Variants in LAMB1 observed in about 807,000 individuals in gnomAD.
LAMB1 encodes the protein laminin subunit beta 1.
LAMB1 carries 121 observed loss-of-function variants against 222.3 expected under a neutral mutation model. That is an observed-to-expected ratio of 0.54 (90% confidence interval 0.47 to 0.63). The LOEUF (loss-of-function observed/expected upper bound fraction) is 0.63. Ranked by LOEUF, LAMB1 falls within the 30% of genes least tolerant of loss-of-function variation. The probability of loss-of-function intolerance (pLI) is 0.00; values close to 1 mark genes in which losing one functional copy is unlikely to be tolerated. For synonymous variants in LAMB1, 794 were observed against 807.2 expected, an observed-to-expected ratio of 0.98 and a Z score of 0.28; for missense variants, 2,172 against 2,240.8, an observed-to-expected ratio of 0.97 and a Z score of 0.62.
intron 5 of LAMB1, among the ~76,000 whole-genome samples, chr7:107,993,061 T>C (rs934704915): frequency 6.6e-6 from 1 of 152,118 alleles, no homozygotes; most frequent in Non-Finnish European, 1.5e-5. Context: ...CCCAACCCCA[T>C]AGATGTTGCT....
rs999991081 is a variant in LAMB1 at position 107,972,786 on chromosome 7, TATTAAA to T, written c.1562+200_1562+205del. Among the ~76,000 whole-genome samples the T allele has an allele frequency of 7.1e-4, 108 of 152,328 alleles. 1 individual carries two copies. Among genetic ancestry groups the T allele is most frequent in the African/African-American group, 2.6e-3 (108 of 41,572 alleles). On this transcript the variant is annotated intron_variant, in intron 13 of 33. Coordinates refer to ENST00000222399, the MANE Select transcript of LAMB1 (RefSeq NM_002291.3). ...ATGTCTGGAACAACCTAACATTCTC[TATTAAA>T]ATTAAAAATACATATGTACTTTGAC...
chr7:107,944,817 G>A (rs1226847001), intron 24 of LAMB1, among the ~76,000 whole-genome samples: 5 of 152,198 alleles, frequency 3.3e-5, no homozygotes, highest in African/African-American at 1.2e-4. Flanking sequence ...ACTAATGTAT[G>A]GAGGAGATTC....
intron 7 of LAMB1, among the ~76,000 whole-genome samples, chr7:107,983,576 A>AGAGTCTT (rs1491251355): frequency 6.9e-5 from 9 of 130,444 alleles, no homozygotes; most frequent in Non-Finnish European, 1.1e-4. Flanking sequence ...TTTTTGAGAC[A>AGAGTCTT]GAGTCTTGCT....
rs1242687529 is a variant in LAMB1 at position 107,998,367 on chromosome 7, T to C, written c.339A>G (p.Gln113=). The C allele has an allele frequency of 6.2e-7, 1 of 1,614,014 alleles. No homozygotes were observed. Among genetic ancestry groups the C allele is most frequent in the East Asian group, 2.2e-5 (1 of 44,866 alleles). Residue 113 remains glutamine (Q), a synonymous_variant, in exon 4 of 34, where the codon CAA becomes CAG. Transcript: ENST00000222399. ...FAPNRLKIWW[Q]SENGVENVTI... Reference sequence around the variant, plus strand: ...ACACCAACCACATACCATTTTCAGATTGCCACCAAATCTTAAGGCGGTTTG... The same window carrying C: ...ACACCAACCACATACCATTTTCAGACTGCCACCAAATCTTAAGGCGGTTTG...
At chr7:108,000,564 G>C (rs2034363044) in intron 3 of LAMB1, among the ~76,000 whole-genome samples, 2 of 152,200 alleles carry the variant, frequency 1.3e-5, no homozygotes, top group African/African-American at 4.8e-5. Context: ...AATTTTTTGA[G>C]ACAGGGTCTC....
intron 21 of LAMB1, among the ~76,000 whole-genome samples, chr7:107,954,496 T>C (rs1331831862): frequency 2.0e-5 from 3 of 151,560 alleles, no homozygotes; most frequent in Admixed American, 2.0e-4. Flanking sequence ...GAAAGTGGGC[T>C]GGGCGCAGTG....
intron 33 of LAMB1, 36 bp downstream of exon 33, chr7:107,924,189 TTAAAG>T (rs755077731): frequency 9.6e-6 from 15 of 1,567,538 alleles, no homozygotes; most frequent in Admixed American, 6.4e-5. Flanking sequence ...TATGGATGCC[TTAAAG>T]TAATTTAAAA....
rs530706206 is a variant in LAMB1, at chr7:107,965,081, G to C, written c.1563-394C>G. The stretch of plus-strand genomic sequence containing the variant: ...TGTCCCAGAGCATCCCAAACCAACG[G>C]ATCTAAGACAGAAGCCCTCAATCCC... On this transcript the variant is annotated intron_variant, in intron 13 of 33. Transcript: ENST00000222399. 7.2e-5 allele frequency among the ~76,000 whole-genome samples: 11 copies of C among 152,250 alleles called. No individual in the cohort carries two copies. In the South Asian group the frequency reaches 2.1e-3, roughly 29 times the overall value.
At chr7:107,962,725 A>G (rs2033535667) in intron 15 of LAMB1, among the ~76,000 whole-genome samples, 180 bp downstream of exon 15, 2 of 149,148 alleles carry the variant, frequency 1.3e-5, no homozygotes, top group Admixed American at 6.7e-5. Context: ...AAAAAAAAAA[A>G]GAAAGAAAGA....
In LAMB1 at chr7:107,986,005, T is replaced by C; in HGVS notation, c.676+17A>G. On this transcript the variant is annotated intron_variant, in intron 7 of 33. Coordinates refer to ENST00000222399, the MANE Select transcript of LAMB1 (RefSeq NM_002291.3). Reference sequence around the variant, plus strand: ...AACAAACTAACAAAAAACACTTTTGTTTGAAAATGAACTTACTCTGTATCC... The same window carrying C: ...AACAAACTAACAAAAAACACTTTTGCTTGAAAATGAACTTACTCTGTATCC... 4 of 1,579,734 alleles carry C rather than the reference T, an allele frequency of 2.5e-6. No homozygotes were observed. The highest frequency in any genetic ancestry group is 3.5e-6 in the Non-Finnish European group (4 of 1,151,144).
At position 107,952,354 on chromosome 7, in the gene LAMB1, T is replaced by C; in HGVS notation, c.3080-131A>G. Reference sequence around the variant, plus strand: ...CTTGAAATGCAAAGAAGGAAAGAAATGGAGGTGATTCAAAAATAAAGCTAA... The same window carrying C: ...CTTGAAATGCAAAGAAGGAAAGAAACGGAGGTGATTCAAAAATAAAGCTAA... On this transcript the variant is annotated intron_variant, in intron 22 of 33. Coordinates refer to ENST00000222399, the MANE Select transcript of LAMB1 (RefSeq NM_002291.3). 4 of 664,336 alleles carry C rather than the reference T, an allele frequency of 6.0e-6. No homozygotes were observed. The South Asian group carries it at 6.2e-5, about 10-fold the overall frequency. The allele number at this position is 664,336 out of a possible 1,614,324, so 41.2% of individuals were successfully genotyped here.
chr7:107,985,241 G>A (rs1469965437), intron 7 of LAMB1, among the ~76,000 whole-genome samples: 4 of 152,192 alleles, frequency 2.6e-5, no homozygotes, highest in Non-Finnish European at 4.4e-5. Context: ...AGGTAACACA[G>A]AGAAAGAAGG....
intron 21 of LAMB1, among the ~76,000 whole-genome samples, chr7:107,955,254 G>A (rs2033349594): frequency 6.6e-6 from 1 of 152,106 alleles, no homozygotes; most frequent in African/African-American, 2.4e-5. Flanking sequence ...TTACTTTCCT[G>A]CTTTGTGTTA....
intron 24 of LAMB1, among the ~76,000 whole-genome samples, chr7:107,950,655 G>A (rs1037593217): frequency 6.6e-6 from 1 of 152,272 alleles, no homozygotes; most frequent in Non-Finnish European, 1.5e-5. Context: ...TGTGCACGAA[G>A]TCTCCATGAC....
rs1562924774 is a variant in LAMB1, at chr7:107,924,377, C to T, written c.5077G>A (p.Glu1693Lys). The T allele has an allele frequency of 1.2e-6, 2 of 1,607,094 alleles. No homozygotes were observed. The highest frequency in any genetic ancestry group is 1.7e-6 in the Non-Finnish European group (2 of 1,176,216). The stretch of plus-strand genomic sequence containing the variant: ...ACTTTTTTATACTTTTCATCAAGTT[C>T]ACCATCTAAAGTCTATAGTTCCACA... Reference protein sequence around the residue: ...AEDVKKTLDGELDEKYKKVEN... With the variant: ...AEDVKKTLDGKLDEKYKKVEN... Residue 1693 changes from glutamate (E) to lysine (K), a missense_variant, in exon 33 of 34, where the codon GAA becomes AAA. Physicochemically the swap from Glu to Lys is moderately conservative, Grantham distance 56. Transcript: ENST00000222399.
intron 24 of LAMB1, among the ~76,000 whole-genome samples, chr7:107,947,435 T>C (rs1286339629): frequency 2.0e-5 from 3 of 152,240 alleles, no homozygotes; most frequent in African/African-American, 7.2e-5. Flanking sequence ...TTCCATCTAA[T>C]TTTGAATGAC....
At chr7:107,988,995 T>A (rs906385485) in intron 5 of LAMB1, among the ~76,000 whole-genome samples, 1 of 152,132 alleles carries the variant, frequency 6.6e-6, no homozygotes, top group Non-Finnish European at 1.5e-5. Context: ...AATGAGAAAA[T>A]TGAGGCTCGG....
At chr7:107,966,274 G>T (rs745768013) in intron 13 of LAMB1, among the ~76,000 whole-genome samples, 2 of 151,768 alleles carry the variant, frequency 1.3e-5, no homozygotes, top group Non-Finnish European at 2.9e-5. Context: ...ACAGTGGAAC[G>T]ATCTCGGTTC....
In LAMB1 at chr7:107,961,272, C is replaced by T. The variant is rs555446952; in HGVS notation, c.2043G>A (p.Arg681=). The T allele has an allele frequency of 6.2e-7, 1 of 1,614,088 alleles. No individual in the cohort carries two copies. The highest frequency in any genetic ancestry group is 1.1e-5 in the South Asian group (1 of 91,072). ...AGGAGGTGTACTGAGGCAGCTCCAA[C>T]CTCACCGTGTAGTTTGTTCCCTTCT... is the stretch of plus-strand genomic sequence containing the variant. The part of the protein sequence containing the change: ...CFEKGTNYTV[R]LELPQYTSSD... Residue 681 remains arginine (R), a synonymous_variant, in exon 17 of 34, where the codon AGG becomes AGA. Coordinates refer to ENST00000222399, the MANE Select transcript of LAMB1 (RefSeq NM_002291.3).
Sources: gnomAD v4.1 joint callset for allele counts (sites outside exome capture counted in the v4.1 genomes callset) on GRCh38, gnomAD v4.1.1 for gene constraint, MANE v1.5 for transcripts, NCBI Gene and HGNC (gene_info 2026-07-23, HGNC 2026-07-21) for gene names.